SDK1: variants seen among roughly 807,000 people sequenced by gnomAD.
SDK1 encodes protein sidekick-1.
SDK1 carries 157 observed loss-of-function variants against 245.5 expected under a neutral mutation model. That is an observed-to-expected ratio of 0.64 (90% CI 0.56 to 0.73). The LOEUF is 0.73. Among genes scored for constraint, SDK1 ranks in the 30% least tolerant of loss-of-function variants. The pLI is 0.00. For missense variants in SDK1, 3,583 were observed against 3,002.3 expected (o/e 1.19, Z -4.52); for synonymous variants, 1,647 against 1,278.5 (o/e 1.29, Z -6.15).
In SDK1 at chr7:4,105,378, C is replaced by A. The variant is rs569658153; in HGVS notation, c.3325-5285C>A. Among the ~76,000 whole-genome samples the A allele has an allele frequency of 2.0e-4, 30 of 152,064 alleles. 1 individual carries two copies. Among genetic ancestry groups the A allele is most frequent in the Non-Finnish European group, 1.6e-4 (11 of 67,982 alleles). ...CTGGAGTGCAGTGGCATGATCTCAGCTCACTGCATCCTCCACCCCCCTGGT... is the reference window on the plus strand; with the variant it reads ...CTGGAGTGCAGTGGCATGATCTCAGATCACTGCATCCTCCACCCCCCTGGT... On this transcript the variant is annotated intron_variant, in intron 22 of 44. Transcript: ENST00000404826.
intron 30 of SDK1, among the ~76,000 whole-genome samples, chr7:4,150,667 G>A (rs530136576): frequency 1.3e-5 from 2 of 152,338 alleles, no homozygotes; most frequent in South Asian, 4.1e-4. Context: ...GGTCCCAGGT[G>A]AAGCCCCTGG....
intron 1 of SDK1, among the ~76,000 whole-genome samples, chr7:3,579,706 C>T (rs1201575684): frequency 6.6e-6 from 1 of 152,082 alleles, no homozygotes; most frequent in Non-Finnish European, 1.5e-5. Context: ...ACACTTACAC[C>T]CTGTCAGTTG....
chr7:3,661,518 T>A (rs917660207), intron 4 of SDK1, among the ~76,000 whole-genome samples: 8 of 152,182 alleles, frequency 5.3e-5, no homozygotes, highest in Non-Finnish European at 1.0e-4. Context: ...TGCCCTGGAT[T>A]TGATTTAGTC....
At chr7:3,843,920 C>T (rs1167569146) in intron 5 of SDK1, among the ~76,000 whole-genome samples, 1 of 152,172 alleles carries the variant, frequency 6.6e-6, no homozygotes, top group African/African-American at 2.4e-5. Context: ...CAAACATTTT[C>T]TTAGCCCAAT....
chr7:4,171,640 C>T (rs973781281), intron 32 of SDK1, among the ~76,000 whole-genome samples: 7 of 152,206 alleles, frequency 4.6e-5, no homozygotes, highest in Admixed American at 3.3e-4. Flanking sequence ...CACCAAGGTC[C>T]CCTCATCCAC....
intron 2 of SDK1, among the ~76,000 whole-genome samples, chr7:3,638,026 A>T (rs1309586514): frequency 6.6e-6 from 1 of 152,260 alleles, no homozygotes; most frequent in Admixed American, 6.5e-5. Flanking sequence ...CAGAGAGAGA[A>T]TTATAAACGA....
chr7:4,021,801 A>G (rs1786918274), intron 17 of SDK1, among the ~76,000 whole-genome samples: 1 of 152,198 alleles, frequency 6.6e-6, no homozygotes, highest in East Asian at 1.9e-4. Context: ...CTGGGCACAT[A>G]TCTGTCCCTT....
chr7:4,091,146 T>C (rs1781762471), intron 22 of SDK1, among the ~76,000 whole-genome samples: 1 of 152,082 alleles, frequency 6.6e-6, no homozygotes, highest in African/African-American at 2.4e-5. Context: ...CACTATCTTC[T>C]TTCCAGGACT....
At chr7:3,667,565 A>G (rs543214598) in intron 4 of SDK1, among the ~76,000 whole-genome samples, 20 of 152,328 alleles carry the variant, frequency 1.3e-4, no homozygotes, top group Non-Finnish European at 2.9e-4. Context: ...AAATAGTTCT[A>G]TCACCGCCCA....
intron 1 of SDK1, among the ~76,000 whole-genome samples, chr7:3,586,283 C>A (rs560858484): frequency 6.6e-6 from 1 of 151,932 alleles, no homozygotes; most frequent in Non-Finnish European, 1.5e-5. Context: ...CGAAAGAGCC[C>A]GCCCTAGGCC....
intron 1 of SDK1, among the ~76,000 whole-genome samples, chr7:3,569,855 G>C (rs1020811872): frequency 1.3e-5 from 2 of 152,222 alleles, no homozygotes; most frequent in Non-Finnish European, 2.9e-5. Flanking sequence ...GTGACACGCA[G>C]TTGGTACGTT....
In SDK1 at chr7:3,756,458, A is replaced by G. The variant is rs578037724; in HGVS notation, c.714-64992A>G. On this transcript the variant is annotated intron_variant, in intron 4 of 44. Transcript: ENST00000404826. ...ATGGCATAGCACATGTGACACATGT[A>G]TATCGTTGTTTTAAATCTGACTCCT... Among the ~76,000 whole-genome samples the G allele has an allele frequency of 2.0e-3, 308 of 151,760 alleles. 2 individuals are homozygous for G. The highest frequency in any genetic ancestry group is 7.3e-3 in the African/African-American group (303 of 41,374).
At chr7:3,311,656 T>A (rs1402982785) in intron 1 of SDK1, among the ~76,000 whole-genome samples, 1 of 152,210 alleles carries the variant, frequency 6.6e-6, no homozygotes, top group East Asian at 1.9e-4. Context: ...CATTTCTGTT[T>A]CATATGTTGC....
chr7:3,418,873 C>T (rs886303523), intron 1 of SDK1, among the ~76,000 whole-genome samples: 4 of 152,124 alleles, frequency 2.6e-5, no homozygotes, highest in Admixed American at 1.3e-4. Flanking sequence ...CAAATCTGCA[C>T]GTACTCAGTC....
intron 44 of SDK1, among the ~76,000 whole-genome samples, chr7:4,248,145 C>G (rs988230548): frequency 2.6e-5 from 4 of 152,114 alleles, no homozygotes; most frequent in African/African-American, 9.7e-5. Context: ...TATACATTCA[C>G]GTATGCATGC....
At chr7:4,167,606 C>T (rs963627888) in intron 32 of SDK1, among the ~76,000 whole-genome samples, 7 of 152,172 alleles carry the variant, frequency 4.6e-5, no homozygotes, top group South Asian at 2.1e-4. Context: ...TGTTGAACTC[C>T]GGCAAGTCCC....
chr7:3,512,560 A>G (rs890588914), intron 1 of SDK1, among the ~76,000 whole-genome samples: 1 of 152,166 alleles, frequency 6.6e-6, no homozygotes, highest in African/African-American at 2.4e-5. Context: ...TGACTGTAAC[A>G]TTTTACATCC....
At chr7:3,343,085 C>G (rs1199872304) in intron 1 of SDK1, among the ~76,000 whole-genome samples, 4 of 150,224 alleles carry the variant, frequency 2.7e-5, no homozygotes, top group African/African-American at 9.8e-5. Context: ...TAAAATGGTA[C>G]AGCCACTCTA....
At chr7:3,414,525 C>CA (rs1228458816) in intron 1 of SDK1, among the ~76,000 whole-genome samples, 1 of 152,012 alleles carries the variant, frequency 6.6e-6, no homozygotes, top group African/African-American at 2.4e-5. Flanking sequence ...TCCTTGATCA[C>CA]AAAAAATGAA....
Sources: allele counts gnomAD v4.1 joint callset (sites outside exome capture counted in the v4.1 genomes callset), GRCh38; gene constraint gnomAD v4.1.1; transcripts MANE v1.5; gene names NCBI Gene and HGNC (gene_info 2026-07-23, HGNC 2026-07-21).